Variants in ME1 observed in about 807,000 individuals in gnomAD.
ME1 encodes the protein NADP-dependent malic enzyme.
ME1 carries 74 observed loss-of-function variants against 66.4 expected under a neutral mutation model. The observed-to-expected ratio is 1.11, with a 90% CI of 0.92 to 1.35. The LOEUF (loss-of-function observed/expected upper bound fraction) is 1.35. Among genes scored for constraint, ME1 ranks in the 40% most tolerant of loss-of-function variants. ME1 has a pLI of 0.00. For missense variants in ME1, 750 were observed against 694.1 expected, an observed-to-expected ratio of 1.08 and a Z score of -0.90; for synonymous variants, 251 against 235.6, an observed-to-expected ratio of 1.07 and a Z score of -0.60.
At chr6:83,425,326 G>A (rs1680829876) in intron 1 of ME1, among the ~76,000 whole-genome samples, 1 of 152,022 alleles carries the variant, frequency 6.6e-6, no homozygotes, top group South Asian at 2.1e-4. Context: ...ACTAACATTG[G>A]TATGAATACT....
intron 6 of ME1, among the ~76,000 whole-genome samples, chr6:83,275,611 G>A (rs1451065088): frequency 2.8e-5 from 4 of 143,830 alleles, no homozygotes; most frequent in Non-Finnish European, 4.5e-5. Flanking sequence ...GACTACAGGC[G>A]CCGCCACCAC....
At chr6:83,349,234 G>C (rs766945825) in intron 4 of ME1, among the ~76,000 whole-genome samples, 23 of 151,916 alleles carry the variant, frequency 1.5e-4, no homozygotes, top group Non-Finnish European at 2.1e-4. Flanking sequence ...TAAAAGAGTA[G>C]ATTTTAACAG....
chr6:83,247,530 T>A (rs1042251301), intron 7 of ME1, among the ~76,000 whole-genome samples: 4 of 146,640 alleles, frequency 2.7e-5, no homozygotes, highest in Non-Finnish European at 3.0e-5. Flanking sequence ...CAAATGTGTT[T>A]AAAAAAAAAA....
intron 3 of ME1, among the ~76,000 whole-genome samples, chr6:83,366,562 T>C (rs1769104093): frequency 6.6e-6 from 1 of 152,138 alleles, no homozygotes. Flanking sequence ...AGACTGGGGC[T>C]CTGGCTGGCT....
chr6:83,405,943 G>A (rs7450746), intron 2 of ME1, among the ~76,000 whole-genome samples: 42,422 of 151,710 alleles, frequency 0.28, 6,634 homozygotes, highest in Middle Eastern at 0.47. Context: ...GGATGGTCTC[G>A]ATCTCCTGAA....
intron 1 of ME1, among the ~76,000 whole-genome samples, chr6:83,426,815 T>C (rs1770381545): frequency 6.6e-6 from 1 of 152,196 alleles, no homozygotes; most frequent in African/African-American, 2.4e-5. Context: ...GTGGTGTTGT[T>C]TGGAGATTTA....
intron 6 of ME1, among the ~76,000 whole-genome samples, chr6:83,273,033 CG>C (rs1767113371): frequency 2.0e-5 from 3 of 151,676 alleles, no homozygotes; most frequent in Admixed American, 1.3e-4. Flanking sequence ...AAAAATTAGC[CG>C]GGCATGGTGG....
intron 6 of ME1, among the ~76,000 whole-genome samples, chr6:83,255,973 C>A (rs1451081772): frequency 2.0e-5 from 3 of 152,136 alleles, no homozygotes; most frequent in Non-Finnish European, 2.9e-5. Context: ...TACCTCCCTG[C>A]TTTAATTCCT....
chr6:83,418,137 A>G (rs183800459), intron 1 of ME1, among the ~76,000 whole-genome samples: 17 of 152,326 alleles, frequency 1.1e-4, no homozygotes, highest in Admixed American at 1.0e-3. Context: ...CTCTGCTTTT[A>G]CAGTTACTTT....
At position 83,283,227 on chromosome 6, in the gene ME1, C is replaced by CAAAAAAAAAAAAAAAAAA. The variant is rs71545854; in HGVS notation, c.705-29507_705-29490dup. On this transcript the variant is annotated intron_variant, in intron 6 of 13. Transcript: ENST00000369705. ...TGGGCGACAGAGCAAGACTCCGTCT[C>CAAAAAAAAAAAAAAAAAA]AAAAAAAAAAAAAAAAAAAAATGAT... 4.1e-3 allele frequency among the ~76,000 whole-genome samples: 119 copies of CAAAAAAAAAAAAAAAAAA among 28,780 alleles called. 2 individuals carry two copies. Among genetic ancestry groups the CAAAAAAAAAAAAAAAAAA allele is most frequent in the East Asian group, 0.018 (17 of 932 alleles). The allele number at this position is 28,780 out of a possible 152,430, so 18.9% of individuals were successfully genotyped here. A position where few individuals can be genotyped will look rare whatever the true frequency, so the allele number is the denominator to read the frequency against.
intron 12 of ME1, among the ~76,000 whole-genome samples, chr6:83,220,818 C>T (rs1418554505): frequency 2.0e-5 from 3 of 152,060 alleles, no homozygotes; most frequent in Non-Finnish European, 4.4e-5. Flanking sequence ...GTGCTAGATA[C>T]TACTGAAGTT....
chr6:83,402,387 C>T (rs554571103), intron 2 of ME1, among the ~76,000 whole-genome samples: 13 of 152,284 alleles, frequency 8.5e-5, no homozygotes, highest in Non-Finnish European at 1.6e-4. Context: ...CTTTCTACCC[C>T]TGTGACTTTA....
At chr6:83,233,663 T>G (rs1790342946) in intron 9 of ME1, among the ~76,000 whole-genome samples, 1 of 151,908 alleles carries the variant, frequency 6.6e-6, no homozygotes, top group Admixed American at 6.6e-5. Context: ...CCAAGAAAAT[T>G]TTTTATTTAA....
intron 1 of ME1, among the ~76,000 whole-genome samples, chr6:83,427,322 T>A (rs1770392021): frequency 6.6e-6 from 1 of 152,282 alleles, no homozygotes; most frequent in East Asian, 1.9e-4. Flanking sequence ...TTCTCTTAAG[T>A]TTTTTGAAAA....
intron 6 of ME1, among the ~76,000 whole-genome samples, chr6:83,277,243 A>G (rs1767199510): frequency 1.3e-5 from 2 of 152,250 alleles, no homozygotes; most frequent in South Asian, 2.1e-4. Context: ...TTACATTCTC[A>G]TATTCACTGT....
intron 6 of ME1, among the ~76,000 whole-genome samples, chr6:83,279,307 G>A (rs754153721): frequency 2.0e-5 from 3 of 152,088 alleles, no homozygotes; most frequent in Non-Finnish European, 2.9e-5. Flanking sequence ...CATCCTAAAA[G>A]GCAAGAAATA....
At position 83,270,406 on chromosome 6, in the gene ME1, TA is replaced by T. The variant is rs3839446; in HGVS notation, c.705-16669del. Among the ~76,000 whole-genome samples the T allele has an allele frequency of 5.7e-3, 857 of 150,130 alleles. 22 individuals are homozygous for T. The highest frequency in any genetic ancestry group is 0.055 in the East Asian group (283 of 5,110). On this transcript the variant is annotated intron_variant, in intron 6 of 13. Transcript: ENST00000369705. ...TTTCTCCCTAACGCCTTCTCAAAAATAAAAAAAAAATTTGATATTTCTATAG... is the reference window on the plus strand; with the variant it reads ...TTTCTCCCTAACGCCTTCTCAAAAATAAAAAAAAATTTGATATTTCTATAG...
At chr6:83,239,464 A>G (rs1790471929) in intron 8 of ME1, 75 bp downstream of exon 8, 1 of 1,035,992 alleles carries the variant, frequency 9.7e-7, no homozygotes, top group Non-Finnish European at 1.5e-6. Flanking sequence ...AATACGTCAA[A>G]TCTTGAGTTA....
chr6:83,325,104 T>G (rs1340033649), intron 5 of ME1, among the ~76,000 whole-genome samples: 2 of 152,068 alleles, frequency 1.3e-5, no homozygotes, highest in Admixed American at 6.6e-5. Context: ...ACAGAACCAA[T>G]AACAAAAACC....
Sources: allele counts gnomAD v4.1 joint callset (sites outside exome capture counted in the v4.1 genomes callset), GRCh38; gene constraint gnomAD v4.1.1; transcripts MANE v1.5; gene names NCBI Gene and HGNC (gene_info 2026-07-23, HGNC 2026-07-21).